Variants in FER1L5 observed in about 807,000 individuals in gnomAD.
The protein encoded by FER1L5 is fer-1-like protein 5.
Under a neutral mutation model 279.9 loss-of-function variants are expected in FER1L5, and 187 were observed. The observed-to-expected ratio is 0.67, with a 90% CI of 0.59 to 0.75. The LOEUF (loss-of-function observed/expected upper bound fraction) is 0.75. FER1L5 is among the 30% of genes least tolerant of loss of function. The probability of loss-of-function intolerance (pLI) is 0.00; values close to 1 mark genes in which losing one functional copy is unlikely to be tolerated. For synonymous variants in FER1L5, 921 were observed against 989.7 expected, an observed-to-expected ratio of 0.93 and a Z score of 1.30; for missense variants, 2,091 against 2,594.4, an observed-to-expected ratio of 0.81 and a Z score of 4.21.
In FER1L5 at chr2:96,692,310, C is replaced by T. The variant is rs2077184465; in HGVS notation, c.3292+129C>T. On this transcript the variant is annotated intron_variant, in intron 31 of 52. Coordinates refer to ENST00000624922, the MANE Select transcript of FER1L5 (RefSeq NM_001293083.2). ...CCAGGGCCCCTGCCTGTCGGCCCCTCACCAGCTGCAAGCCTTGTCCCTGGG... is the reference window on the plus strand; with the variant it reads ...CCAGGGCCCCTGCCTGTCGGCCCCTTACCAGCTGCAAGCCTTGTCCCTGGG... The T allele has an allele frequency of 5.2e-6, 5 of 959,878 alleles. No homozygotes were observed. In the Middle Eastern group the frequency reaches 8.2e-4, roughly 157 times the overall value. The allele number at this position is 959,878 out of a possible 1,614,324, so 59.5% of individuals were successfully genotyped here.
intron 20 of FER1L5, 86 bp downstream of exon 20, chr2:96,684,537 A>G: frequency 2.0e-6 from 3 of 1,492,306 alleles, no homozygotes; most frequent in Non-Finnish European, 2.7e-6. Context: ...CAGTGGCAGG[A>G]AACTGGTCAC....
At chr2:96,678,341 C>A (rs1001927105) in intron 19 of FER1L5, among the ~76,000 whole-genome samples, 6 of 151,936 alleles carry the variant, frequency 3.9e-5, no homozygotes, top group Non-Finnish European at 8.8e-5. Context: ...TGTTGCCCAG[C>A]CTGGTCTCAA....
At position 96,691,670 on chromosome 2, in the gene FER1L5, G is replaced by A. The variant is rs1573939858; in HGVS notation, c.3075+58G>A. ...GTAACCCCACCTCCCAGAGAAGCCA[G>A]GGCCTGGCCTGGCTGGGGCGCTGAC... is the stretch of plus-strand genomic sequence containing the variant. On this transcript the variant is annotated intron_variant, in intron 29 of 52. Transcript: ENST00000624922. The surrounding 1 kb of genome is among the most constrained non-coding windows in gnomAD (Gnocchi z 6.0). 6.6e-7 allele frequency: 1 copy of A among 1,517,646 alleles called. No individual in the cohort carries two copies. The highest frequency in any genetic ancestry group is 8.9e-7 in the Non-Finnish European group (1 of 1,129,922). 94.0% of individuals were successfully genotyped at this position (1,517,646 alleles called of 1,614,324 possible).
At chr2:96,699,793 A>C (rs1448782132) in intron 43 of FER1L5, 73 bp downstream of exon 43, 1 of 1,591,176 alleles carries the variant, frequency 6.3e-7, no homozygotes, top group Non-Finnish European at 8.6e-7. Context: ...CCTTGGGAGA[A>C]GCCTGCATCC....
intron 19 of FER1L5, among the ~76,000 whole-genome samples, chr2:96,682,206 C>A (rs2076755551): frequency 6.6e-6 from 1 of 152,210 alleles, no homozygotes; most frequent in African/African-American, 2.4e-5. Flanking sequence ...CCTGCCTCAG[C>A]CTCCCAGGTA....
chr2:96,693,993 G>C lies in FER1L5; in HGVS notation c.3557G>C (p.Arg1186Thr). The stretch of plus-strand genomic sequence containing the variant: ...CAGGACCGGATCCTGCCCCCCATGA[G>C]GTGGCATCCCCTTGTAAAGGAGTTG... The part of the protein sequence containing the change: ...DLQDRILPPM[R>T]WHPLVKELGK... Residue 1186 changes from arginine (R) to threonine (T), a missense_variant, in exon 33 of 53, where the codon AGG becomes ACG. Physicochemically the swap from Arg to Thr is moderately conservative, Grantham distance 71. Transcript: ENST00000624922. 6.4e-7 allele frequency: 1 copy of C among 1,551,454 alleles called. No homozygotes were observed. The highest frequency in any genetic ancestry group is 8.7e-7 in the Non-Finnish European group (1 of 1,146,994).
In FER1L5 at chr2:96,671,106, C is replaced by CAA. The variant is rs750341048; in HGVS notation, c.1491+880_1491+881dup. On this transcript the variant is annotated intron_variant, in intron 18 of 52. Transcript: ENST00000624922. ...TGGGTGACAGAGTGAGACTCCATCT[C>CAA]AAAAAAAAAAAAAAAAAAAAAAGGA... is the stretch of plus-strand genomic sequence containing the variant. 1.0e-3 allele frequency among the ~76,000 whole-genome samples: 42 copies of CAA among 40,144 alleles called. 2 individuals are homozygous for CAA. Among genetic ancestry groups the CAA allele is most frequent in the Admixed American group, 2.1e-3 (5 of 2,400 alleles). 26.3% of individuals were successfully genotyped at this position (40,144 alleles called of 152,430 possible).
intron 24 of FER1L5, among the ~76,000 whole-genome samples, chr2:96,688,205 G>A (rs528885186): frequency 7.9e-5 from 12 of 152,292 alleles, no homozygotes; most frequent in African/African-American, 2.6e-4. Flanking sequence ...CTCCATACAC[G>A]TGTGGAGACA....
chr2:96,691,049 C>A lies in FER1L5; in HGVS notation c.2744-141C>A. On this transcript the variant is annotated intron_variant, in intron 27 of 52. Transcript: ENST00000624922. This position sits in a 1 kb window ranked among gnomAD's most constrained non-coding sequence, Gnocchi z 6.0. ...CCACTCAGGTGACACAGTGTAGCCA[C>A]ACTCTCCTTTCCACACCTCAGGGCC... 8.9e-7 allele frequency: 1 copy of A among 1,127,084 alleles called. No individual in the cohort carries two copies. Among genetic ancestry groups the A allele is most frequent in the Non-Finnish European group, 1.2e-6 (1 of 817,410 alleles). 69.8% of individuals were successfully genotyped at this position (1,127,084 alleles called of 1,614,324 possible).
Position 96,702,058 on chromosome 2 carries a change from A to G in FER1L5, c.5159+15A>G. 3 of 1,613,500 alleles carry G rather than the reference A, an allele frequency of 1.9e-6. No homozygotes were observed. The highest frequency in any genetic ancestry group is 2.5e-6 in the Non-Finnish European group (3 of 1,179,522). ...AAGCCTAAACGGTGAGTGACAGCCC[A>G]CTTCCCAACTGCTGCATTTCACAGT... On this transcript the variant is annotated intron_variant, in intron 46 of 52. Coordinates refer to ENST00000624922, the MANE Select transcript of FER1L5 (RefSeq NM_001293083.2). This position sits in a 1 kb window ranked among gnomAD's most constrained non-coding sequence, Gnocchi z 4.0.
At chr2:96,697,136 C>T (rs1303102817) in intron 37 of FER1L5, among the ~76,000 whole-genome samples, 1 of 152,158 alleles carries the variant, frequency 6.6e-6, no homozygotes, top group Non-Finnish European at 1.5e-5. Flanking sequence ...CAGGTGATTC[C>T]AATGTGCTTT....
At chr2:96,652,302 G>A in intron 7 of FER1L5, 2 of 431,120 alleles carry the variant, frequency 4.6e-6, no homozygotes, top group South Asian at 5.6e-5. Context: ...TATTGCTATT[G>A]GAGGTTCGAA....
chr2:96,649,649 C>T lies in FER1L5; in HGVS notation c.366C>T (p.His122=), dbSNP rs542834527. 1 of 1,551,584 alleles carries T rather than the reference C, an allele frequency of 6.4e-7. No individual in the cohort carries two copies. Among genetic ancestry groups the T allele is most frequent in the Admixed American group, 2.0e-5 (1 of 50,994 alleles). The change falls in exon 5 of 53, where the codon CAC becomes CAT. Residue 122 remains histidine (H), a synonymous_variant. Coordinates refer to ENST00000624922, the MANE Select transcript of FER1L5 (RefSeq NM_001293083.2). ...GTACTGTCACCCTACAGGTGGCCCA[C>T]ATGAGCAACCAGGATATTGAGAAGA... The part of the protein sequence containing the change: ...TDCTVTLQVA[H]MSNQDIEKTG...
chr2:96,702,241 G>A lies in FER1L5; in HGVS notation c.5160-65G>A. On this transcript the variant is annotated intron_variant, in intron 46 of 52. Coordinates refer to ENST00000624922, the MANE Select transcript of FER1L5 (RefSeq NM_001293083.2). The surrounding 1 kb of genome is among the most constrained non-coding windows in gnomAD (Gnocchi z 4.0). ...ACAGGGCAGCCTCCCAGGCTTCTCTGCCCTCACTGAGGCTGCAGCTGGGGA... is the reference window on the plus strand; with the variant it reads ...ACAGGGCAGCCTCCCAGGCTTCTCTACCCTCACTGAGGCTGCAGCTGGGGA... 1.3e-6 allele frequency: 2 copies of A among 1,580,250 alleles called. No individual in the cohort carries two copies. The highest frequency in any genetic ancestry group is 1.7e-6 in the Non-Finnish European group (2 of 1,163,702).
intron 19 of FER1L5, among the ~76,000 whole-genome samples, chr2:96,675,972 T>TA (rs1299212890): frequency 2.0e-5 from 3 of 152,238 alleles, no homozygotes; most frequent in Admixed American, 6.5e-5. Flanking sequence ...CTAAGAAATA[T>TA]CTGTCTATCT....
At chr2:96,687,995 G>C in intron 24 of FER1L5, 48 bp downstream of exon 24, 5 of 1,544,826 alleles carry the variant, frequency 3.2e-6, no homozygotes, top group Non-Finnish European at 4.4e-6. Context: ...CGCGGGGGTG[G>C]GGGTAGGGTG....
In FER1L5 at chr2:96,703,352, A is replaced by G; in HGVS notation, c.5691+6A>G. ...GTGGCAAATGGCGCTTGTCGGTAGG[A>G]GCTGGGGAGTGTCTACTGATTAGGG... On this transcript the variant is annotated splice_donor_region_variant and intron_variant, in intron 50 of 52. Coordinates refer to ENST00000624922, the MANE Select transcript of FER1L5 (RefSeq NM_001293083.2). 6.2e-7 allele frequency: 1 copy of G among 1,606,820 alleles called. No individual in the cohort carries two copies. Among genetic ancestry groups the G allele is most frequent in the Non-Finnish European group, 8.5e-7 (1 of 1,176,538 alleles).
chr2:96,656,488 G>A (rs753342051), intron 9 of FER1L5, among the ~76,000 whole-genome samples: 1 of 152,172 alleles, frequency 6.6e-6, no homozygotes, highest in Admixed American at 6.5e-5. Flanking sequence ...AAATTAGCTG[G>A]GTGTGGTGGC....
chr2:96,691,119 T>G lies in FER1L5; in HGVS notation c.2744-71T>G, dbSNP rs1186335905. The G allele has an allele frequency of 4.1e-6, 6 of 1,472,904 alleles. No individual in the cohort carries two copies. Among genetic ancestry groups the G allele is most frequent in the Admixed American group, 4.7e-5 (2 of 42,486 alleles). 91.2% of individuals were successfully genotyped at this position (1,472,904 alleles called of 1,614,324 possible). A position where few individuals can be genotyped will look rare whatever the true frequency, so the allele number is the denominator to read the frequency against. The stretch of plus-strand genomic sequence containing the variant: ...AAGTAATGCCCCTCTAGGGCCTGTC[T>G]CCCGGGTTTGTCCAGGCCTCCCAAC... On this transcript the variant is annotated intron_variant, in intron 27 of 52. Coordinates refer to ENST00000624922, the MANE Select transcript of FER1L5 (RefSeq NM_001293083.2). This position sits in a 1 kb window ranked among gnomAD's most constrained non-coding sequence, Gnocchi z 6.0.
Sources: gnomAD v4.1 joint callset for allele counts (sites outside exome capture counted in the v4.1 genomes callset) on GRCh38, gnomAD v4.1.1 for gene constraint, Gnocchi (gnomAD v3.1) non-coding constraint, MANE v1.5 for transcripts, NCBI Gene and HGNC (gene_info 2026-07-23, HGNC 2026-07-21) for gene names.